UCMA: variants seen among roughly 807,000 people sequenced by gnomAD.
UCMA encodes the protein upper zone of growth plate and cartilage matrix-associated protein.
A neutral mutation model predicts 21.8 loss-of-function variants in UCMA; 21 were observed. That is an observed-to-expected ratio of 0.97 (90% confidence interval 0.68 to 1.39). UCMA has a LOEUF of 1.39. UCMA is among the 40% of genes most tolerant of loss of function. The pLI, the probability that UCMA is intolerant of heterozygous loss-of-function variation, is 0.00. For missense variants in UCMA, 193 were observed against 178.9 expected (o/e 1.08, Z -0.45); for synonymous variants, 76 against 67.9 (o/e 1.12, Z -0.58).
At chr10:13,226,629 C>T (rs944098253) in intron 4 of UCMA, among the ~76,000 whole-genome samples, 12 of 152,096 alleles carry the variant, frequency 7.9e-5, no homozygotes, top group African/African-American at 2.9e-4. Flanking sequence ...CCAGCCTGAG[C>T]CTCTATTTTT....
At position 13,229,620 on chromosome 10, in the gene UCMA, GT is replaced by G. The variant is rs748229662; in HGVS notation, c.309del (p.Glu103AspfsTer105). On this transcript the variant is annotated frameshift_variant, in exon 4 of 5. Transcript: ENST00000378681. LOFTEE classifies it high-confidence loss of function. ...QRNEFENFVE[E>X]QNDEQEERSR... is the part of the protein sequence containing the mutation. ...GCTGAAGAGCTCTTACCATCGTTTT[GT>G]TCCTCCACGAAGTTCTCAAATTCAT... 3.0e-5 allele frequency: 48 copies of G among 1,613,416 alleles called. No homozygotes were observed. Among genetic ancestry groups the G allele is most frequent in the Non-Finnish European group, 4.0e-5 (47 of 1,179,786 alleles).
Position 13,234,367 on chromosome 10 carries a change from C to CG in UCMA, c.-110dup. ...GCAGCCCAGGCGAGAGGAAGGAAGGCGGGGGAGGGAAGAGAGAGGCAGGAG... is the reference window on the plus strand; with the variant it reads ...GCAGCCCAGGCGAGAGGAAGGAAGGCGGGGGGAGGGAAGAGAGAGGCAGGAG... On this transcript the variant is annotated 5_prime_UTR_variant, in exon 1 of 5. Transcript: ENST00000378681. 1 of 1,053,210 alleles carries CG rather than the reference C, an allele frequency of 9.5e-7. No homozygotes were observed. 65.2% of individuals were successfully genotyped at this position (1,053,210 alleles called of 1,614,324 possible).
intron 4 of UCMA, among the ~76,000 whole-genome samples, chr10:13,223,579 ACT>A (rs1460245879): frequency 6.6e-6 from 1 of 151,894 alleles, no homozygotes; most frequent in African/African-American, 2.4e-5. Flanking sequence ...TGTTGTTTTG[ACT>A]CTCGCTCTGT....
At chr10:13,227,919 G>A (rs1035087787) in intron 4 of UCMA, among the ~76,000 whole-genome samples, 4 of 151,890 alleles carry the variant, frequency 2.6e-5, no homozygotes, top group South Asian at 2.1e-4. Flanking sequence ...TCCTCTACCC[G>A]TGTCCCCAGC....
chr10:13,229,519 A>T, intron 4 of UCMA, 92 bp downstream of exon 4: 1 of 1,244,968 alleles, frequency 8.0e-7, no homozygotes. Context: ...AAAAGAAAAA[A>T]AAAAAAAGTT....
intron 4 of UCMA, among the ~76,000 whole-genome samples, chr10:13,227,675 C>A (rs1834839694): frequency 6.9e-6 from 1 of 144,192 alleles, no homozygotes; most frequent in Non-Finnish European, 1.5e-5. Flanking sequence ...TGAGATCATG[C>A]CACTGCACTC....
In UCMA at chr10:13,222,093, C is replaced by A; in HGVS notation, c.*10G>T. 1 of 1,614,022 alleles carries A rather than the reference C, an allele frequency of 6.2e-7. No individual in the cohort carries two copies. Among genetic ancestry groups the A allele is most frequent in the Non-Finnish European group, 8.5e-7 (1 of 1,179,944 alleles). On this transcript the variant is annotated 3_prime_UTR_variant, in exon 5 of 5. Transcript: ENST00000378681. ...CAAGCTTTGTCTTCTTGGCCGGCTT[C>A]AGGATGGGATCAGGTGTGGTGGCGG...
In UCMA at chr10:13,233,454, C is replaced by T. The variant is rs541344291; in HGVS notation, c.220+84G>A. 145 of 1,130,334 alleles carry T rather than the reference C, an allele frequency of 1.3e-4. 1 individual carries two copies. In the African/African-American group the frequency reaches 1.4e-3, roughly 11 times the overall value. 70.0% of individuals were successfully genotyped at this position (1,130,334 alleles called of 1,614,324 possible). A position where few individuals can be genotyped will look rare whatever the true frequency, so the allele number is the denominator to read the frequency against. ...TCGTGCCCAGCTGCATCCTGCTGCC[C>T]GGCTGACTGTGGGAGAGGAGGAGCC... On this transcript the variant is annotated intron_variant, in intron 3 of 4. Transcript: ENST00000378681.
chr10:13,232,498 C>A (rs527441403), intron 3 of UCMA, among the ~76,000 whole-genome samples: 2 of 152,136 alleles, frequency 1.3e-5, no homozygotes, highest in African/African-American at 2.4e-5. Context: ...TCCAGCCCCC[C>A]TCCCAACCTT....
At chr10:13,231,287 G>A (rs1220755762) in intron 3 of UCMA, among the ~76,000 whole-genome samples, 2 of 152,066 alleles carry the variant, frequency 1.3e-5, no homozygotes, top group Non-Finnish European at 2.9e-5. Flanking sequence ...TGGCAGAAGG[G>A]GTTGGTTATC....
In UCMA at chr10:13,229,483, G is replaced by A. The variant is rs369257093; in HGVS notation, c.319+128C>T. 748 of 765,102 alleles carry A rather than the reference G, an allele frequency of 9.8e-4. 3 individuals carry two copies. The African/African-American group carries it at 0.012, about 12-fold the overall frequency. The allele number at this position is 765,102 out of a possible 1,614,324, so 47.4% of individuals were successfully genotyped here. On this transcript the variant is annotated intron_variant, in intron 4 of 4. Transcript: ENST00000378681. Reference sequence around the variant, plus strand: ...ATCACACCACTGCATTCCAGCCTGGGCAACAGAGCAAGACTTCGTCTCAAA... The same window carrying A: ...ATCACACCACTGCATTCCAGCCTGGACAACAGAGCAAGACTTCGTCTCAAA...
At chr10:13,233,132 G>A (rs1351103276) in intron 3 of UCMA, among the ~76,000 whole-genome samples, 1 of 152,146 alleles carries the variant, frequency 6.6e-6, no homozygotes, top group African/African-American at 2.4e-5. Context: ...CAGAAGGTGT[G>A]CTGGACCAGT....
chr10:13,226,012 G>C (rs979079492), intron 4 of UCMA, among the ~76,000 whole-genome samples: 7 of 152,008 alleles, frequency 4.6e-5, no homozygotes, highest in Non-Finnish European at 8.8e-5. Flanking sequence ...CTCCATCCGG[G>C]GGCCAATTCC....
chr10:13,227,281 C>T (rs554093873), intron 4 of UCMA, among the ~76,000 whole-genome samples: 12 of 152,266 alleles, frequency 7.9e-5, no homozygotes, highest in East Asian at 5.8e-4. Context: ...TCAGAGCAAA[C>T]GGCCAGGAGA....
At chr10:13,233,437 A>AGCTGCATCCTGCTGCCCG in intron 3 of UCMA, 101 bp downstream of exon 3, 1 of 937,102 alleles carries the variant, frequency 1.1e-6, no homozygotes. Flanking sequence ...CTTCGTGCCC[A>AGCTGCATCCTGCTGCCCG]GCTGCATCCT....
At chr10:13,231,682 T>C (rs545359990) in intron 3 of UCMA, among the ~76,000 whole-genome samples, 1 of 152,348 alleles carries the variant, frequency 6.6e-6, no homozygotes, top group South Asian at 2.1e-4. Context: ...AACAATTTAA[T>C]CCTCAGGACA....
intron 4 of UCMA, among the ~76,000 whole-genome samples, chr10:13,227,429 T>C (rs1216777337): frequency 6.6e-6 from 1 of 152,054 alleles, no homozygotes; most frequent in African/African-American, 2.4e-5. Context: ...ACCAAATAAA[T>C]AAACAGGGCT....
Position 13,233,608 on chromosome 10 carries a change from C to T in UCMA, c.150G>A (p.Gln50=), listed in dbSNP as rs768919577. The change falls in exon 3 of 5, where the codon CAG becomes CAA. Residue 50 remains glutamine (Q), a synonymous_variant. Coordinates refer to ENST00000378681, the MANE Select transcript of UCMA (RefSeq NM_145314.3). ...TGAGGAAATTCGAGGCATCTGATTC[C>T]TGCATGAAAATCTTCTGTTTTGCAT... ...SEDAKQKIFM[Q]ESDASNFLKR... 3.7e-6 allele frequency: 6 copies of T among 1,614,032 alleles called. No individual in the cohort carries two copies. Among genetic ancestry groups the T allele is most frequent in the Non-Finnish European group, 5.1e-6 (6 of 1,180,046 alleles).
At chr10:13,232,633 A>G (rs1834914035) in intron 3 of UCMA, among the ~76,000 whole-genome samples, 1 of 152,050 alleles carries the variant, frequency 6.6e-6, no homozygotes, top group Admixed American at 6.6e-5. Flanking sequence ...AAGCATTTCT[A>G]TCTCTGTTCT....
Sources: allele counts gnomAD v4.1 joint callset (sites outside exome capture counted in the v4.1 genomes callset), GRCh38; gene constraint gnomAD v4.1.1; transcripts MANE v1.5; gene names NCBI Gene and HGNC (gene_info 2026-07-23, HGNC 2026-07-21).